LONP1: variants seen among roughly 807,000 people sequenced by gnomAD.
LONP1 encodes lon peptidase 1, mitochondrial, also known as lon protease homolog, mitochondrial.
A neutral mutation model predicts 98.5 loss-of-function variants in LONP1; 31 were observed. The observed-to-expected ratio is 0.31, with a 90% confidence interval of 0.24 to 0.42. The LOEUF (loss-of-function observed/expected upper bound fraction) is 0.42. Among genes scored for constraint, LONP1 ranks in the 20% least tolerant of loss-of-function variants. LONP1 has a pLI of 1.00. For missense variants in LONP1, 1,336 were observed against 1,350.6 expected (o/e 0.99, Z 0.17); for synonymous variants, 781 against 594.7 (o/e 1.31, Z -4.56).
At chr19:5,709,671 A>G (rs890305740) in intron 4 of LONP1, among the ~76,000 whole-genome samples, 1 of 151,972 alleles carries the variant, frequency 6.6e-6, no homozygotes, top group Non-Finnish European at 1.5e-5. Context: ...GCACTTTGGG[A>G]TGCTAAGGCG....
At chr19:5,710,348 C>G (rs2055218226) in intron 4 of LONP1, among the ~76,000 whole-genome samples, 1 of 151,824 alleles carries the variant, frequency 6.6e-6, no homozygotes, top group South Asian at 2.1e-4. Flanking sequence ...CTCGGCCTCC[C>G]AAAGTGCTGG....
In LONP1 at chr19:5,699,552, CCT is replaced by C. The variant is rs1491263631; in HGVS notation, c.1507-349_1507-348del. ...AAGCAGTCCACCAATGCCTCTGGCT[CCT>C]GTTTTTTTTTTTTTTTTTTTTGAGA... On this transcript the variant is annotated intron_variant, in intron 9 of 17. Transcript: ENST00000360614. Among the ~76,000 whole-genome samples the C allele has an allele frequency of 6.2e-5, 9 of 145,900 alleles. No homozygotes were observed. The East Asian group carries it at 1.8e-3, about 29-fold the overall frequency.
chr19:5,704,342 T>C (rs945704), intron 8 of LONP1, among the ~76,000 whole-genome samples: 9,238 of 152,144 alleles, frequency 0.061, 340 homozygotes, highest in Middle Eastern at 0.14. Context: ...GGAGCAGCCA[T>C]GGGAGCTCAC....
At chr19:5,708,227 T>TG in intron 5 of LONP1, 115 bp downstream of exon 5, 2 of 1,093,010 alleles carry the variant, frequency 1.8e-6, no homozygotes, top group Non-Finnish European at 2.7e-6. Context: ...GGCCACTCCT[T>TG]GGGGCAGGCA....
intron 9 of LONP1, 71 bp downstream of exon 9, chr19:5,700,718 C>G (rs796793523): frequency 1.3e-6 from 2 of 1,584,804 alleles, no homozygotes; most frequent in African/African-American, 2.7e-5. Context: ...AAATCTCAAC[C>G]CACAGCACAC....
intron 2 of LONP1, 125 bp from the exon 3 acceptor site, chr19:5,713,378 C>G (rs183047960): frequency 9.6e-6 from 12 of 1,248,608 alleles, no homozygotes; most frequent in Admixed American, 1.8e-5. Flanking sequence ...AAACCAAGAG[C>G]GGCCTCCTTG....
intron 1 of LONP1, among the ~76,000 whole-genome samples, chr19:5,716,331 G>C (rs2145634297): frequency 7.7e-6 from 1 of 130,462 alleles, no homozygotes; most frequent in South Asian, 2.6e-4. Context: ...GCAGGCACCA[G>C]GATGACCTGA....
chr19:5,719,192 C>T (rs2055380696), intron 1 of LONP1, among the ~76,000 whole-genome samples: 2 of 152,168 alleles, frequency 1.3e-5, no homozygotes, highest in East Asian at 3.9e-4. Flanking sequence ...CCATGCCCAG[C>T]TTCAAAGGCA....
upstream of LONP1, chr19:5,720,343 C>G (rs916122520): frequency 4.1e-6 from 3 of 733,420 alleles, no homozygotes; most frequent in Non-Finnish European, 6.2e-6. Flanking sequence ...CGCTGAAGGC[C>G]TTTTCCGGTC....
intron 14 of LONP1, 66 bp downstream of exon 14, chr19:5,694,695 G>A: frequency 6.4e-7 from 1 of 1,573,588 alleles, no homozygotes; most frequent in Non-Finnish European, 8.7e-7. Flanking sequence ...GCATGGAAAG[G>A]TGGGGTGATC....
intron 4 of LONP1, among the ~76,000 whole-genome samples, chr19:5,709,682 G>A (rs2055205151): frequency 6.6e-6 from 1 of 151,748 alleles, no homozygotes; most frequent in African/African-American, 2.4e-5. Flanking sequence ...TGCTAAGGCG[G>A]GCGGATCACG....
rs372205884 is a variant in LONP1 at position 5,719,831 on chromosome 19, G to A, written c.302C>T (p.Ala101Val). 9.5e-5 allele frequency: 153 copies of A among 1,609,412 alleles called. No homozygotes were observed. The highest frequency in any genetic ancestry group is 1.3e-4 in the Non-Finnish European group (150 of 1,178,704). ...TATGACCGGGCCTTCCCCGGCGCCC[G>A]CGCTGCCCCCCGCGCCGCCGGCTCC... ...EEGAGGAGGSAGAGEGPVITA... is the reference protein window; with the variant it reads ...EEGAGGAGGSVGAGEGPVITA... The change falls in exon 1 of 18, where the codon GCG becomes GTG. Residue 101 changes from alanine (A) to valine (V), a missense_variant. Physicochemically the swap from Ala to Val is moderately conservative, Grantham distance 64. This residue lies in a region of LONP1 where 457 missense variants were observed against 403.1 expected (regional missense o/e 1.13). Coordinates refer to ENST00000360614, the MANE Select transcript of LONP1 (RefSeq NM_004793.4).
chr19:5,705,164 A>G (rs1323360879), intron 8 of LONP1, among the ~76,000 whole-genome samples: 1 of 150,646 alleles, frequency 6.6e-6, no homozygotes, highest in East Asian at 2.0e-4. Flanking sequence ...TCTGTCTTAA[A>G]AAAAAAAAAA....
At chr19:5,717,053 C>G (rs1002904999) in intron 1 of LONP1, among the ~76,000 whole-genome samples, 9 of 152,232 alleles carry the variant, frequency 5.9e-5, no homozygotes, top group African/African-American at 2.2e-4. Flanking sequence ...CTCAGCCTCC[C>G]AAAGTGCTGG....
chr19:5,696,423 G>T, intron 11 of LONP1, 52 bp from the exon 12 acceptor site: 2 of 1,592,502 alleles, frequency 1.3e-6, no homozygotes, highest in Admixed American at 1.7e-5. Context: ...TGGCCAGCCC[G>T]CCCAGTGGGG....
At chr19:5,713,294 T>C (rs747130939) in intron 2 of LONP1, 41 bp from the exon 3 acceptor site, 2 of 1,611,794 alleles carry the variant, frequency 1.2e-6, no homozygotes, top group Admixed American at 3.3e-5. Context: ...AACATGGCTT[T>C]CATGCTAGGC....
At position 5,707,182 on chromosome 19, in the gene LONP1, C is replaced by T. The variant is rs968082362; in HGVS notation, c.1063-39G>A. The stretch of plus-strand genomic sequence containing the variant: ...GAGGACAGAAAGGATGAGCAGAAGT[C>T]GGCATCTGTGTGTGTAGGGCCGAGG... On this transcript the variant is annotated intron_variant, in intron 6 of 17. Transcript: ENST00000360614. 13 of 1,581,420 alleles carry T rather than the reference C, an allele frequency of 8.2e-6. No homozygotes were observed. In the East Asian group the frequency reaches 9.0e-5, roughly 11 times the overall value.
In LONP1 at chr19:5,696,056, C is replaced by T. The variant is rs746535158; in HGVS notation, c.2011G>A (p.Glu671Lys). ...CAGTGGGGAGGGGCTGGGCTTACCT[C>T]CGCAATGGCCAGCTTCTCCTGGGCC... ...YVAQEKLAIA[E>K]RYLVPQARAL... The change falls in exon 13 of 18, where the codon GAG becomes AAG. Residue 671 changes from glutamate to lysine, a missense_variant and splice_region_variant. Physicochemically the swap from Glu to Lys is moderately conservative, Grantham distance 56 (BLOSUM62 1). This residue lies in a region of LONP1 where 555 missense variants were observed against 542.6 expected (regional missense o/e 1.02). Coordinates refer to ENST00000360614, the MANE Select transcript of LONP1 (RefSeq NM_004793.4). The T allele has an allele frequency of 3.7e-6, 6 of 1,611,792 alleles. No individual in the cohort carries two copies. The highest frequency in any genetic ancestry group is 1.3e-5 in the African/African-American group (1 of 74,922).
At chr19:5,716,300 A>ATATATT (rs1568329236) in intron 1 of LONP1, among the ~76,000 whole-genome samples, 1 of 118,658 alleles carries the variant, frequency 8.4e-6, no homozygotes, top group Non-Finnish European at 1.7e-5. Flanking sequence ...ATATATATAT[A>ATATATT]GTAATGGCCC....
Sources: allele counts gnomAD v4.1 joint callset (sites outside exome capture counted in the v4.1 genomes callset), GRCh38; gene constraint gnomAD v4.1.1; regional missense constraint gnomAD v4.1.1; transcripts MANE v1.5; gene names NCBI Gene and HGNC (gene_info 2026-07-23, HGNC 2026-07-21).